Variants in AMBRA1 observed in about 807,000 individuals in gnomAD.
AMBRA1 encodes activating molecule in BECN1-regulated autophagy protein 1.
A neutral mutation model predicts 125.4 loss-of-function variants in AMBRA1; 47 were observed. That is an observed-to-expected ratio of 0.37 (90% CI 0.30 to 0.48). The LOEUF (loss-of-function observed/expected upper bound fraction) is 0.48. Among genes scored for constraint, AMBRA1 ranks in the 20% least tolerant of loss-of-function variants. AMBRA1 has a pLI of 0.99. For synonymous variants in AMBRA1, 626 were observed against 655.5 expected, an observed-to-expected ratio of 0.95 and a Z score of 0.69; for missense variants, 1,331 against 1,693.4, an observed-to-expected ratio of 0.79 and a Z score of 3.76.
chr11:46,592,873 A>T (rs2044656696), intron 1 of AMBRA1, among the ~76,000 whole-genome samples: 1 of 152,042 alleles, frequency 6.6e-6, no homozygotes, highest in Non-Finnish European at 1.5e-5. Context: ...CCTCTACTAG[A>T]CTCTAACCTC....
chr11:46,476,725 T>C lies in AMBRA1; in HGVS notation c.2521+16883A>G, dbSNP rs115249405. Among the ~76,000 whole-genome samples the C allele has an allele frequency of 5.2e-3, 791 of 152,280 alleles. 7 individuals are homozygous for C. The highest frequency in any genetic ancestry group is 0.018 in the African/African-American group (753 of 41,554). ...TTCACATCAGCAGAATCCAGAAAAATATTTAGACCAAGAAACACTTTGTGG... is the reference window on the plus strand; with the variant it reads ...TTCACATCAGCAGAATCCAGAAAAACATTTAGACCAAGAAACACTTTGTGG... On this transcript the variant is annotated intron_variant, in intron 11 of 17. Coordinates refer to ENST00000683756, the MANE Select transcript of AMBRA1 (RefSeq NM_001387011.1).
At chr11:46,474,959 A>G (rs1043178732) in intron 11 of AMBRA1, among the ~76,000 whole-genome samples, 3 of 152,244 alleles carry the variant, frequency 2.0e-5, no homozygotes, top group African/African-American at 7.2e-5. Context: ...CAAAGTCCGC[A>G]TATATGTATA....
At chr11:46,417,285 C>T (rs1354642637) in intron 15 of AMBRA1, among the ~76,000 whole-genome samples, 1 of 152,106 alleles carries the variant, frequency 6.6e-6, no homozygotes, top group Non-Finnish European at 1.5e-5. Flanking sequence ...CTCCTGACCT[C>T]GTGATCCGCC....
In AMBRA1 at chr11:46,542,923, A is replaced by T; in HGVS notation, c.1094T>A (p.Leu365Gln). The T allele has an allele frequency of 6.2e-7, 1 of 1,611,242 alleles. No homozygotes were observed. Among genetic ancestry groups the T allele is most frequent in the Admixed American group, 1.7e-5 (1 of 60,018 alleles). The part of the protein sequence containing the change: ...ASSTQQDQGL[L>Q]NRPSAFSTVQ... ...TGTACTGAAGGCAGACGGCCGGTTCAGGAGGCCCTGGTCCTGCTGCGTTGA... is the reference window on the plus strand; with the variant it reads ...TGTACTGAAGGCAGACGGCCGGTTCTGGAGGCCCTGGTCCTGCTGCGTTGA... Residue 365 changes from leucine to glutamine, a missense_variant, in exon 7 of 18, where the codon CTG becomes CAG. Leu to Gln is a moderately radical substitution (Grantham distance 113). Transcript: ENST00000683756. The surrounding 1 kb of genome is among the most constrained non-coding windows in gnomAD (Gnocchi z 5.9).
At chr11:46,497,393 G>T (rs1042279925) in intron 9 of AMBRA1, among the ~76,000 whole-genome samples, 2 of 152,130 alleles carry the variant, frequency 1.3e-5, no homozygotes, top group Non-Finnish European at 2.9e-5. Flanking sequence ...GTAAGGGGAG[G>T]TGCTCATGCT....
At chr11:46,564,293 A>T (rs2043445649) in intron 1 of AMBRA1, among the ~76,000 whole-genome samples, 1 of 152,026 alleles carries the variant, frequency 6.6e-6, no homozygotes, top group South Asian at 2.1e-4. Flanking sequence ...ATAGAATATA[A>T]CACATATATA....
intron 11 of AMBRA1, among the ~76,000 whole-genome samples, chr11:46,453,476 C>A (rs1169708895): frequency 6.6e-6 from 1 of 152,100 alleles, no homozygotes; most frequent in Non-Finnish European, 1.5e-5. Flanking sequence ...ATGTTTATAA[C>A]TGAACCATAG....
At chr11:46,402,097 G>C (rs1258632439) in intron 17 of AMBRA1, among the ~76,000 whole-genome samples, 1 of 152,188 alleles carries the variant, frequency 6.6e-6, no homozygotes, top group African/African-American at 2.4e-5. Flanking sequence ...AGCTAGAAGG[G>C]GATGCTCCTT....
intron 17 of AMBRA1, among the ~76,000 whole-genome samples, chr11:46,399,790 T>A (rs1945642043): frequency 6.6e-6 from 1 of 152,216 alleles, no homozygotes; most frequent in African/African-American, 2.4e-5. Context: ...TGATGCCATA[T>A]TTCCCGGAAA....
intron 7 of AMBRA1, among the ~76,000 whole-genome samples, chr11:46,539,426 G>A (rs1258213460): frequency 1.3e-5 from 2 of 151,924 alleles, no homozygotes; most frequent in African/African-American, 2.4e-5. Context: ...GCGTGGTGGC[G>A]CATGCCTATA....
At chr11:46,476,963 GT>G (rs569007918) in intron 11 of AMBRA1, among the ~76,000 whole-genome samples, 59 of 152,248 alleles carry the variant, frequency 3.9e-4, no homozygotes, top group South Asian at 2.5e-3. Flanking sequence ...AAAAAAATTA[GT>G]TGGGCATGGT....
intron 1 of AMBRA1, among the ~76,000 whole-genome samples, chr11:46,582,321 T>C (rs988476746): frequency 6.6e-6 from 1 of 152,308 alleles, no homozygotes; most frequent in Admixed American, 6.5e-5. Context: ...TAGTCTCTGC[T>C]TAAGTATCAC....
At chr11:46,476,350 AG>A (rs1949811757) in intron 11 of AMBRA1, among the ~76,000 whole-genome samples, 1 of 152,216 alleles carries the variant, frequency 6.6e-6, no homozygotes, top group Admixed American at 6.5e-5. Context: ...AGCTGCCGGC[AG>A]AGCAAGCACA....
intron 1 of AMBRA1, among the ~76,000 whole-genome samples, chr11:46,576,744 A>C (rs982293976): frequency 6.6e-6 from 1 of 152,188 alleles, no homozygotes; most frequent in Non-Finnish European, 1.5e-5. Context: ...AAGAGATTAT[A>C]AAATATAGGA....
chr11:46,438,451 G>A (rs1385161387), intron 12 of AMBRA1, among the ~76,000 whole-genome samples: 1 of 152,244 alleles, frequency 6.6e-6, no homozygotes, highest in Non-Finnish European at 1.5e-5. Flanking sequence ...TACAAAGATC[G>A]ATTTGTAGCC....
chr11:46,464,807 G>A (rs533008784), intron 11 of AMBRA1, among the ~76,000 whole-genome samples: 1 of 151,420 alleles, frequency 6.6e-6, no homozygotes, highest in Non-Finnish European at 1.5e-5. Flanking sequence ...AGCACTTTGC[G>A]AGGCCAAGGC....
chr11:46,527,562 T>C (rs1429282193), intron 7 of AMBRA1, among the ~76,000 whole-genome samples: 1 of 147,382 alleles, frequency 6.8e-6, no homozygotes, highest in Non-Finnish European at 1.5e-5. Flanking sequence ...AAATGTTTAA[T>C]GTCCATAATA....
chr11:46,409,433 C>T (rs961204382), intron 16 of AMBRA1, among the ~76,000 whole-genome samples: 7 of 152,062 alleles, frequency 4.6e-5, no homozygotes, highest in African/African-American at 7.2e-5. Flanking sequence ...CTCCTGACCT[C>T]GTGATCCGCC....
At chr11:46,556,929 G>A (rs1306853390) in intron 1 of AMBRA1, among the ~76,000 whole-genome samples, 1 of 152,096 alleles carries the variant, frequency 6.6e-6, no homozygotes, top group Non-Finnish European at 1.5e-5. Flanking sequence ...CTGAGGTCAG[G>A]AGTTCAAGAC....
Sources: gnomAD v4.1 joint callset for allele counts (sites outside exome capture counted in the v4.1 genomes callset) on GRCh38, gnomAD v4.1.1 for gene constraint, Gnocchi (gnomAD v3.1) non-coding constraint, MANE v1.5 for transcripts, NCBI Gene and HGNC (gene_info 2026-07-23, HGNC 2026-07-21) for gene names.